The following ADGRA3 variants were observed in gnomAD, a reference collection of about 807,000 sequenced individuals.
ADGRA3 encodes G-protein coupled receptor 125.
A neutral mutation model predicts 119.8 loss-of-function variants in ADGRA3; 56 were observed. That is an observed-to-expected ratio of 0.47 (90% CI 0.38 to 0.58). The LOEUF (loss-of-function observed/expected upper bound fraction) is 0.58, where lower values mean the gene tolerates loss of function less well. Among genes scored for constraint, ADGRA3 ranks in the 20% least tolerant of loss-of-function variants. The pLI is 0.00. For synonymous variants in ADGRA3, 607 were observed against 623.8 expected (o/e 0.97, Z 0.40); for missense variants, 1,516 against 1,649.0 (o/e 0.92, Z 1.40).
intron 5 of ADGRA3, among the ~76,000 whole-genome samples, 161 bp downstream of exon 5, chr4:22,447,279 G>GGTTACTGT (rs1487491076): frequency 1.3e-5 from 2 of 151,876 alleles, no homozygotes; most frequent in Non-Finnish European, 2.9e-5. Context: ...CATTATTCAG[G>GGTTACTGT]GTTACTGTAT....
intron 14 of ADGRA3, among the ~76,000 whole-genome samples, chr4:22,408,759 GC>G (rs1406376436): frequency 6.6e-6 from 1 of 152,106 alleles, no homozygotes; most frequent in Admixed American, 6.5e-5. Flanking sequence ...CACATGGAAA[GC>G]CTACAATCTA....
intron 8 of ADGRA3, 120 bp from the exon 9 acceptor site, chr4:22,436,761 G>T: frequency 3.7e-6 from 3 of 801,104 alleles, no homozygotes; most frequent in Non-Finnish European, 6.0e-6. Flanking sequence ...CCCTGACACG[G>T]GTCATCAAAA....
intron 12 of ADGRA3, among the ~76,000 whole-genome samples, chr4:22,419,517 C>A (rs1715563983): frequency 1.3e-5 from 2 of 152,052 alleles, no homozygotes; most frequent in African/African-American, 4.8e-5. Context: ...ATGAAATTGA[C>A]AAATCTGAGT....
chr4:22,406,537 T>A (rs1273323261), intron 14 of ADGRA3, among the ~76,000 whole-genome samples: 2 of 152,190 alleles, frequency 1.3e-5, no homozygotes, highest in African/African-American at 4.8e-5. Flanking sequence ...TGGTTTTGAT[T>A]TGTATTTTCC....
intron 2 of ADGRA3, among the ~76,000 whole-genome samples, chr4:22,472,554 CACAA>C (rs1010742232): frequency 6.6e-6 from 1 of 152,062 alleles, no homozygotes; most frequent in Non-Finnish European, 1.5e-5. Flanking sequence ...TATATATACA[CACAA>C]ACACACACAC....
chr4:22,414,008 G>A (rs1715331339), intron 12 of ADGRA3, 194 bp from the exon 13 acceptor site: 1 of 439,738 alleles, frequency 2.3e-6, no homozygotes, highest in Non-Finnish European at 4.0e-6. Flanking sequence ...ATTAAAAGAA[G>A]TATAAAACAG....
chr4:22,447,370 A>C, intron 5 of ADGRA3, 70 bp downstream of exon 5: 1 of 957,844 alleles, frequency 1.0e-6, no homozygotes. Flanking sequence ...AAACCACATA[A>C]TAAATGTTTT....
intron 4 of ADGRA3, among the ~76,000 whole-genome samples, chr4:22,452,811 T>C (rs928653028): frequency 6.6e-6 from 1 of 152,162 alleles, no homozygotes; most frequent in African/African-American, 2.4e-5. Context: ...CTTTACTATT[T>C]TGTTTTTCAT....
Position 22,389,110 on chromosome 4 carries a change from C to T in ADGRA3, c.2701G>A (p.Gly901Ser), listed in dbSNP as rs746416100. 6.2e-7 allele frequency: 1 copy of T among 1,613,954 alleles called. No individual in the cohort carries two copies. Among genetic ancestry groups the T allele is most frequent in the African/African-American group, 1.3e-5 (1 of 75,024 alleles). The change falls in exon 18 of 19, where the codon GGC becomes AGC. Residue 901 changes from glycine to serine, a missense_variant. Physicochemically the swap from Gly to Ser is moderately conservative, Grantham distance 56. Around this residue, in one of 2 missense-constraint regions of ADGRA3, gnomAD observed 1,088 missense variants for 1,107.1 expected, o/e 0.98. Coordinates refer to ENST00000334304, the MANE Select transcript of ADGRA3 (RefSeq NM_145290.4). ...ITAAANIKNY[G>S]SRPNAPYCWM... ...CACTAGGGTGCGTTTGGCCGACTGC[C>T]GTAATTCTTAATGTTCGCTGCTGCA...
chr4:22,419,260 A>AG (rs397748638), intron 12 of ADGRA3, among the ~76,000 whole-genome samples: 3 of 151,132 alleles, frequency 2.0e-5, no homozygotes, highest in Admixed American at 2.0e-4. Context: ...AAAAAAAAAA[A>AG]GGATGCAAAG....
Position 22,413,270 on chromosome 4 carries a change from C to T in ADGRA3, c.2144G>A (p.Trp715Ter), listed in dbSNP as rs772146024. Residue 715 changes from tryptophan to a stop codon, truncating the protein, a stop_gained, in exon 14 of 19, where the codon TGG becomes TAG. Coordinates refer to ENST00000334304, the MANE Select transcript of ADGRA3 (RefSeq NM_145290.4). LOFTEE classifies it high-confidence loss of function. ...GAGTATATGGCACCCATCTGACTTC[C>T]AGCCTCCTTGTCCGTTCAGCAAATC... The part of the protein sequence containing the change: ...DFDLLNGQGG[W>*]KSDGCHILYS... The T allele has an allele frequency of 1.2e-6, 2 of 1,614,090 alleles. No homozygotes were observed. Among genetic ancestry groups the T allele is most frequent in the Admixed American group, 1.7e-5 (1 of 60,010 alleles).
At chr4:22,484,191 G>A (rs1303103053) in intron 1 of ADGRA3, among the ~76,000 whole-genome samples, 1 of 152,084 alleles carries the variant, frequency 6.6e-6, no homozygotes, top group Non-Finnish European at 1.5e-5. Context: ...AAAAAATAAA[G>A]GGGTAAAATG....
chr4:22,461,611 C>A, intron 3 of ADGRA3, 126 bp downstream of exon 3: 1 of 627,718 alleles, frequency 1.6e-6, no homozygotes, highest in South Asian at 2.2e-5. Flanking sequence ...CTTTCTGTAT[C>A]AGGGACCTGG....
intron 16 of ADGRA3, among the ~76,000 whole-genome samples, chr4:22,395,564 A>C (rs1714316166): frequency 6.6e-6 from 1 of 152,204 alleles, no homozygotes; most frequent in African/African-American, 2.4e-5. Context: ...TTACACAGTC[A>C]ATAGTACGGC....
intron 14 of ADGRA3, among the ~76,000 whole-genome samples, chr4:22,409,970 T>C (rs1715125993): frequency 6.6e-6 from 1 of 152,210 alleles, no homozygotes; most frequent in Non-Finnish European, 1.5e-5. Flanking sequence ...GTGAGTATAG[T>C]ACTTATTTTA....
At chr4:22,460,932 A>G (rs1425763775) in intron 3 of ADGRA3, among the ~76,000 whole-genome samples, 1 of 152,172 alleles carries the variant, frequency 6.6e-6, no homozygotes, top group African/African-American at 2.4e-5. Context: ...TTTTGTGTAG[A>G]GCCGCTTCTC....
In ADGRA3 at chr4:22,436,621, C is replaced by T; in HGVS notation, c.1106G>A (p.Gly369Asp). ...CGTACACTGCAGATATGCAGTAATG[C>T]CTGCCAATGTTCTGGGCCATCTAGA... ...GDFRWPRTLA[G>D]ITAYLQCTRN... The change falls in exon 9 of 19, where the codon GGC (glycine) becomes GAC (aspartate). Residue 369 changes from glycine to aspartate, a missense_variant. By Grantham distance (94) the Gly-to-Asp change is moderately conservative. Coordinates refer to ENST00000334304, the MANE Select transcript of ADGRA3 (RefSeq NM_145290.4). 6.2e-7 allele frequency: 1 copy of T among 1,613,988 alleles called. No homozygotes were observed. Among genetic ancestry groups the T allele is most frequent in the Non-Finnish European group, 8.5e-7 (1 of 1,179,896 alleles).
chr4:22,503,182 C>T (rs7664547), intron 1 of ADGRA3, among the ~76,000 whole-genome samples: 22,434 of 152,132 alleles, frequency 0.15, 1,836 homozygotes, highest in African/African-American at 0.2. Flanking sequence ...CTTTAGAATT[C>T]TAACTGCATC....
chr4:22,486,327 C>A (rs1210762299), intron 1 of ADGRA3, among the ~76,000 whole-genome samples: 1 of 152,170 alleles, frequency 6.6e-6, no homozygotes, highest in Non-Finnish European at 1.5e-5. Flanking sequence ...CCTCCAACCT[C>A]TTTTACATGT....
Sources: allele counts gnomAD v4.1 joint callset (sites outside exome capture counted in the v4.1 genomes callset), GRCh38; gene constraint gnomAD v4.1.1; regional missense constraint gnomAD v4.1.1; transcripts MANE v1.5; gene names NCBI Gene and HGNC (gene_info 2026-07-23, HGNC 2026-07-21).